PIK3C2A: variants seen among roughly 807,000 people sequenced by gnomAD.
PIK3C2A encodes the protein phosphatidylinositol-4-phosphate 3-kinase catalytic subunit type 2 alpha.
In PIK3C2A, 97 loss-of-function variants were observed where a neutral mutation model predicts 204.5. The ratio of observed to expected loss-of-function variants is 0.47; its 90% confidence interval spans 0.40 to 0.56. The LOEUF (loss-of-function observed/expected upper bound fraction) is 0.56. PIK3C2A is among the 20% of genes least tolerant of loss of function. PIK3C2A has a pLI of 0.00. For synonymous variants in PIK3C2A, 653 were observed against 664.4 expected, an observed-to-expected ratio of 0.98 and a Z score of 0.26; for missense variants, 1,735 against 1,969.2, an observed-to-expected ratio of 0.88 and a Z score of 2.25.
intron 3 of PIK3C2A, among the ~76,000 whole-genome samples, chr11:17,154,310 AT>A (rs1219470634): frequency 3.3e-5 from 5 of 152,234 alleles, no homozygotes; most frequent in East Asian, 3.9e-4. Context: ...TACTGATAAT[AT>A]TTTTTTCCTA....
At chr11:17,170,640 C>T (rs1851125758) in intron 1 of PIK3C2A, among the ~76,000 whole-genome samples, 1 of 152,126 alleles carries the variant, frequency 6.6e-6, no homozygotes, top group South Asian at 2.1e-4. Context: ...AATTTATACT[C>T]CTCTATTTAA....
chr11:17,202,584 AAGAAC>A (rs981904391), intron 1 of PIK3C2A, among the ~76,000 whole-genome samples: 18 of 152,136 alleles, frequency 1.2e-4, no homozygotes, highest in African/African-American at 4.3e-4. Context: ...AAAAAAAAAA[AAGAAC>A]AGAACACTGG....
intron 9 of PIK3C2A, among the ~76,000 whole-genome samples, chr11:17,135,777 A>C (rs1376790880): frequency 6.6e-6 from 1 of 152,078 alleles, no homozygotes; most frequent in African/African-American, 2.4e-5. Context: ...ACATCTCTAC[A>C]TACCACATGG....
chr11:17,196,653 T>C (rs1275475100), intron 1 of PIK3C2A, among the ~76,000 whole-genome samples: 1 of 152,074 alleles, frequency 6.6e-6, no homozygotes, highest in Non-Finnish European at 1.5e-5. Context: ...CACTGCAAGC[T>C]CCGCCTCCCG....
At chr11:17,188,387 C>T (rs1188886286) in intron 1 of PIK3C2A, among the ~76,000 whole-genome samples, 1 of 146,332 alleles carries the variant, frequency 6.8e-6, no homozygotes, top group Non-Finnish European at 1.5e-5. Context: ...CACACAAACA[C>T]CTAATGAATT....
chr11:17,126,426 A>C (rs1386611308), intron 13 of PIK3C2A, among the ~76,000 whole-genome samples: 1 of 152,210 alleles, frequency 6.6e-6, no homozygotes, highest in African/African-American at 2.4e-5. Context: ...CTCATTTGTT[A>C]TTAAGGCTGA....
chr11:17,102,883 G>A (rs1260259892), intron 23 of PIK3C2A, 52 bp from the exon 24 acceptor site: 2 of 1,214,286 alleles, frequency 1.6e-6, no homozygotes, highest in Non-Finnish European at 2.3e-6. Flanking sequence ...TTTAAAAGAG[G>A]CAGAGTTTAT....
chr11:17,187,586 AAGAC>A (rs2137542126), intron 1 of PIK3C2A, among the ~76,000 whole-genome samples: 1 of 152,248 alleles, frequency 6.6e-6, no homozygotes, highest in South Asian at 2.1e-4. Context: ...ATTTTTTAAA[AAGAC>A]AGTTTTGGAG....
chr11:17,153,944 A>C (rs1191904655), intron 3 of PIK3C2A, among the ~76,000 whole-genome samples: 1 of 152,234 alleles, frequency 6.6e-6, no homozygotes, highest in Non-Finnish European at 1.5e-5. Flanking sequence ...AAGTTCCTAG[A>C]ACATGCCTTC....
At chr11:17,136,388 T>C (rs1199332655) in intron 9 of PIK3C2A, 94 bp downstream of exon 9, 1 of 965,344 alleles carries the variant, frequency 1.0e-6, no homozygotes. Context: ...AAGCCAAAGT[T>C]AAAATGACAA....
In PIK3C2A at chr11:17,117,687, AT is replaced by A; in HGVS notation, c.3036-17del. On this transcript the variant is annotated splice_polypyrimidine_tract_variant and intron_variant, in intron 18 of 32. Transcript: ENST00000691414. Reference sequence around the variant, plus strand: ...TTTGAGAAGCCTAATACAGCAAAATATTTATGTTAGTCACGTCTTGGTTTTT... The same window carrying A: ...TTTGAGAAGCCTAATACAGCAAAATATTATGTTAGTCACGTCTTGGTTTTT... 1.2e-6 allele frequency: 1 copy of A among 859,210 alleles called. No homozygotes were observed. Among genetic ancestry groups the A allele is most frequent in the Non-Finnish European group, 1.7e-6 (1 of 577,640 alleles). 53.2% of individuals were successfully genotyped at this position (859,210 alleles called of 1,614,324 possible).
intron 1 of PIK3C2A, among the ~76,000 whole-genome samples, chr11:17,188,296 G>A (rs1170385800): frequency 6.8e-6 from 1 of 146,094 alleles, no homozygotes; most frequent in Non-Finnish European, 1.5e-5. Context: ...CTGAGATCAT[G>A]CACCACTACA....
intron 23 of PIK3C2A, 86 bp from the exon 24 acceptor site, chr11:17,102,917 C>G: frequency 1.2e-6 from 1 of 807,998 alleles, no homozygotes; most frequent in East Asian, 2.7e-5. Flanking sequence ...ATTTATCACT[C>G]TTTAAAAACA....
At chr11:17,173,952 G>A (rs1347483094) in intron 1 of PIK3C2A, among the ~76,000 whole-genome samples, 2 of 151,934 alleles carry the variant, frequency 1.3e-5, no homozygotes, top group African/African-American at 2.4e-5. Flanking sequence ...ACAGGCGCTC[G>A]CCACCACACC....
chr11:17,144,738 A>T (rs1053200783), intron 8 of PIK3C2A, among the ~76,000 whole-genome samples: 1 of 151,876 alleles, frequency 6.6e-6, no homozygotes, highest in Non-Finnish European at 1.5e-5. Context: ...CTACTAAAAA[A>T]TATAAAAATT....
At chr11:17,138,520 C>T (rs992312183) in intron 8 of PIK3C2A, among the ~76,000 whole-genome samples, 20 of 152,086 alleles carry the variant, frequency 1.3e-4, no homozygotes, top group African/African-American at 4.3e-4. Flanking sequence ...GTCTAAGGTT[C>T]GGGGAGAGAC....
intron 1 of PIK3C2A, chr11:17,193,868 A>AGGGG (rs1565305762): frequency 5.7e-5 from 6 of 106,120 alleles, no homozygotes; most frequent in African/African-American, 3.0e-4. Flanking sequence ...AAAAGAAAAG[A>AGGGG]AAAGAAAAGA....
At chr11:17,160,683 G>GT (rs1286962353) in intron 2 of PIK3C2A, among the ~76,000 whole-genome samples, 1 of 152,086 alleles carries the variant, frequency 6.6e-6, no homozygotes, top group Non-Finnish European at 1.5e-5. Flanking sequence ...ACTTAGCTAG[G>GT]TATGATGGCA....
Position 17,102,749 on chromosome 11 carries a change from T to C in PIK3C2A, c.3764A>G (p.Asn1255Ser), listed in dbSNP as rs140312144. Residue 1255 changes from asparagine to serine, a missense_variant, in exon 24 of 33, where the codon AAT (asparagine) becomes AGT (serine). This residue lies in a region of PIK3C2A where 503 missense variants were observed against 669.0 expected (regional missense o/e 0.75). Transcript: ENST00000691414. ...GTGTCCCGTGCTTCGAAGCATTATA[T>C]TGTCATTGTGTCGATCACAGATGCC... Reference protein sequence around the residue: ...VLGICDRHNDNIMLRSTGHMF... With the variant: ...VLGICDRHNDSIMLRSTGHMF... 1.2e-6 allele frequency: 2 copies of C among 1,613,602 alleles called. No homozygotes were observed. Among genetic ancestry groups the C allele is most frequent in the Non-Finnish European group, 8.5e-7 (1 of 1,179,668 alleles).
Sources: gnomAD v4.1 joint callset for allele counts (sites outside exome capture counted in the v4.1 genomes callset) on GRCh38, gnomAD v4.1.1 for gene constraint, gnomAD v4.1.1 regional missense constraint, MANE v1.5 for transcripts, NCBI Gene and HGNC (gene_info 2026-07-23, HGNC 2026-07-21) for gene names.